Variants in TRIML1 observed in about 807,000 individuals in gnomAD.
The protein encoded by TRIML1 is tripartite motif family like 1, also known as probable E3 ubiquitin-protein ligase TRIML1.
TRIML1 carries 34 observed loss-of-function variants against 32.3 expected under a neutral mutation model. That is an observed-to-expected ratio of 1.05 (90% CI 0.80 to 1.40). TRIML1 has a LOEUF of 1.40. Ranked by LOEUF, TRIML1 falls within the 40% of genes most tolerant of loss-of-function variation. The pLI, the probability that TRIML1 is intolerant of heterozygous loss-of-function variation, is 0.00. For synonymous variants in TRIML1, 244 were observed against 226.6 expected (o/e 1.08, Z -0.69); for missense variants, 595 against 574.9 (o/e 1.03, Z -0.36).
chr4:188,146,176 C>T (rs1055526807), intron 5 of TRIML1, among the ~76,000 whole-genome samples: 7 of 150,370 alleles, frequency 4.7e-5, no homozygotes, highest in African/African-American at 1.5e-4. Context: ...CAGAACCTCC[C>T]ATGGCTAATA....
chr4:188,143,939 G>A (rs932311803), intron 4 of TRIML1, 79 bp downstream of exon 4: 33 of 1,608,060 alleles, frequency 2.1e-5, no homozygotes, highest in Non-Finnish European at 2.7e-5. Flanking sequence ...GGGATAGGAG[G>A]TCTGCGCTGT....
upstream of TRIML1, among the ~76,000 whole-genome samples, chr4:188,139,135 T>C (rs1403945804): frequency 6.6e-6 from 1 of 152,162 alleles, no homozygotes; most frequent in Non-Finnish European, 1.5e-5. Flanking sequence ...TTATTAGAGA[T>C]CATCAAAACT....
intron 5 of TRIML1, among the ~76,000 whole-genome samples, chr4:188,144,598 G>A (rs868553696): frequency 2.6e-4 from 40 of 151,118 alleles, no homozygotes; most frequent in Admixed American, 5.3e-4. Flanking sequence ...TCCTGACCTC[G>A]TGATCCGCCC....
chr4:188,138,776 C>A (rs1579202179), upstream of TRIML1, among the ~76,000 whole-genome samples: 1 of 17,366 alleles, frequency 5.8e-5, no homozygotes, highest in South Asian at 8.8e-4. Context: ...AGTGGGATAG[C>A]CTCTTGAGGC....
At chr4:188,146,323 C>T (rs1054720921) in intron 5 of TRIML1, among the ~76,000 whole-genome samples, 4 of 152,172 alleles carry the variant, frequency 2.6e-5, no homozygotes, top group Non-Finnish European at 4.4e-5. Context: ...TCCTTCTCCA[C>T]GTGGCTCTTC....
At chr4:188,148,215 C>T (rs189368828), downstream of TRIML1, among the ~76,000 whole-genome samples, 15 of 152,080 alleles carry the variant, frequency 9.9e-5, no homozygotes, top group Admixed American at 7.2e-4. Flanking sequence ...CAGGGTTGGC[C>T]GGATGCGGTG....
chr4:188,147,302 C>A lies in TRIML1; in HGVS notation c.1337C>A (p.Ser446Tyr). 6.5e-7 allele frequency: 1 copy of A among 1,537,050 alleles called. No individual in the cohort carries two copies. Among genetic ancestry groups the A allele is most frequent in the South Asian group, 1.3e-5 (1 of 77,372 alleles). ...SFQEALRPIFSPCLPNEGTNT... is the reference protein window; with the variant it reads ...SFQEALRPIFYPCLPNEGTNT... ...CAAGAGGCCCTCAGGCCTATCTTTT[C>A]CCCCTGCCTCCCAAATGAGGGGACA... Residue 446 changes from serine (S) to tyrosine (Y), a missense_variant, in exon 6 of 6, where the codon TCC becomes TAC. Coordinates refer to ENST00000332517, the MANE Select transcript of TRIML1 (RefSeq NM_178556.5).
intron 2 of TRIML1, chr4:188,140,914 A>G (rs1734829645): frequency 4.3e-6 from 1 of 232,160 alleles, no homozygotes; most frequent in Admixed American, 5.5e-5. Context: ...ACTTATAGAC[A>G]TGTAACATGA....
At position 188,139,509 on chromosome 4, in the gene TRIML1, C is replaced by T. The variant is rs761406941; in HGVS notation, c.-50C>T. 6.6e-6 allele frequency: 10 copies of T among 1,516,430 alleles called. No homozygotes were observed. In the South Asian group the frequency reaches 1.1e-4, roughly 16 times the overall value. 93.9% of individuals were successfully genotyped at this position (1,516,430 alleles called of 1,614,324 possible). On this transcript the variant is annotated 5_prime_UTR_variant, in exon 1 of 6. Coordinates refer to ENST00000332517, the MANE Select transcript of TRIML1 (RefSeq NM_178556.5). Reference sequence around the variant, plus strand: ...CTGTAGGACGGCAGTGAGGGCTTTGCTAATCCCAGAACAGAGGTGTAACCT... The same window carrying T: ...CTGTAGGACGGCAGTGAGGGCTTTGTTAATCCCAGAACAGAGGTGTAACCT...
rs1734913827 is a variant in TRIML1, at chr4:188,142,803, G to A, written c.735+321G>A. ...TTAATGTGTATTTACTATGTGCTGGGCACATTAAATTTAATCTTCACAAAG... is the reference window on the plus strand; with the variant it reads ...TTAATGTGTATTTACTATGTGCTGGACACATTAAATTTAATCTTCACAAAG... On this transcript the variant is annotated intron_variant, in intron 3 of 5. Transcript: ENST00000332517. 1.7e-5 allele frequency: 4 copies of A among 233,336 alleles called. No homozygotes were observed. In the South Asian group the frequency reaches 2.2e-4, roughly 13 times the overall value. The allele number at this position is 233,336 out of a possible 1,614,324, so 14.5% of individuals were successfully genotyped here. A position where few individuals can be genotyped will look rare whatever the true frequency, so the allele number is the denominator to read the frequency against.
At chr4:188,143,949 T>A (rs970276629) in intron 4 of TRIML1, 87 bp from the exon 5 acceptor site, 1 of 1,607,776 alleles carries the variant, frequency 6.2e-7, no homozygotes, top group African/African-American at 1.3e-5. Context: ...GTCTGCGCTG[T>A]TGCTGGGGGA....
chr4:188,144,018 C>A lies in TRIML1; in HGVS notation c.759-18C>A. The A allele has an allele frequency of 1.2e-6, 2 of 1,613,058 alleles. No individual in the cohort carries two copies. Among genetic ancestry groups the A allele is most frequent in the Non-Finnish European group, 1.7e-6 (2 of 1,179,338 alleles). On this transcript the variant is annotated intron_variant, in intron 4 of 5. Coordinates refer to ENST00000332517, the MANE Select transcript of TRIML1 (RefSeq NM_178556.5). ...ACGCGGTCTGTGCCGAGGAGTGAAC[C>A]TCTCTGCTCTCTTGCAGGAGCGAGC...
upstream of TRIML1, among the ~76,000 whole-genome samples, chr4:188,139,196 C>A (rs1172916204): frequency 6.6e-6 from 1 of 152,224 alleles, no homozygotes; most frequent in African/African-American, 2.4e-5. Flanking sequence ...CAGCCTAAAA[C>A]CCACATGCTC....
At chr4:188,144,484 T>C (rs1385565476) in intron 5 of TRIML1, among the ~76,000 whole-genome samples, 4 of 138,556 alleles carry the variant, frequency 2.9e-5, no homozygotes, top group African/African-American at 1.0e-4. Context: ...TGCCTCAGCC[T>C]CCCGAGTAGC....
chr4:188,147,489 C>G lies in TRIML1; in HGVS notation c.*117C>G. On this transcript the variant is annotated 3_prime_UTR_variant, in exon 6 of 6. Coordinates refer to ENST00000332517, the MANE Select transcript of TRIML1 (RefSeq NM_178556.5). ...TGATCTGAAATAAACTCCCGTAACC[C>G]CACCCCACCCCCAAGAGTTTCCATT... The G allele has an allele frequency of 1.2e-6, 1 of 820,012 alleles. No individual in the cohort carries two copies. The highest frequency in any genetic ancestry group is 3.1e-5 in the East Asian group (1 of 31,964). The allele number at this position is 820,012 out of a possible 1,614,324, so 50.8% of individuals were successfully genotyped here.
downstream of TRIML1, among the ~76,000 whole-genome samples, chr4:188,150,493 A>C (rs936050006): frequency 2.6e-5 from 4 of 152,246 alleles, no homozygotes; most frequent in Non-Finnish European, 2.9e-5. Context: ...ACAAAATGAT[A>C]AAAAGCAAAC....
chr4:188,140,691 G>T, intron 2 of TRIML1, 68 bp downstream of exon 2: 1 of 1,110,710 alleles, frequency 9.0e-7, no homozygotes, highest in Non-Finnish European at 1.3e-6. Context: ...GAAATTTAGT[G>T]AAATATCAGG....
intron 3 of TRIML1, 54 bp from the exon 4 acceptor site, chr4:188,143,784 G>T: frequency 6.2e-7 from 1 of 1,608,326 alleles, no homozygotes; most frequent in Non-Finnish European, 8.5e-7. Context: ...AATGAATTTC[G>T]TCTGTGTTAT....
intron 5 of TRIML1, among the ~76,000 whole-genome samples, chr4:188,144,942 A>C (rs995602675): frequency 1.3e-5 from 2 of 152,104 alleles, no homozygotes; most frequent in Non-Finnish European, 2.9e-5. Context: ...AGGCCTAATG[A>C]GCTTTGAACT....
Sources: allele counts gnomAD v4.1 joint callset (sites outside exome capture counted in the v4.1 genomes callset), GRCh38; gene constraint gnomAD v4.1.1; transcripts MANE v1.5; gene names NCBI Gene and HGNC (gene_info 2026-07-23, HGNC 2026-07-21).